Variants in DCPS observed in about 807,000 individuals in gnomAD.
The protein encoded by DCPS is decapping enzyme, scavenger, also known as m7GpppX diphosphatase.
In DCPS, 27 loss-of-function variants were observed where a neutral mutation model predicts 34.7. That is an observed-to-expected ratio of 0.78 (90% CI 0.57 to 1.07). The LOEUF is 1.07. DCPS is among the 50% of genes least tolerant of loss of function. The pLI is 0.00. For synonymous variants in DCPS, 185 were observed against 185.7 expected (o/e 1.00, Z 0.03); for missense variants, 464 against 436.9 (o/e 1.06, Z -0.55).
intron 2 of DCPS, 129 bp downstream of exon 2, chr11:126,306,873 G>T: frequency 1.2e-5 from 13 of 1,113,348 alleles, no homozygotes; most frequent in South Asian, 2.0e-5. Flanking sequence ...TACTTCCCTA[G>T]GGGACATTTG....
rs1473235329 is a variant in DCPS, at chr11:126,347,012, C to CCCGGGAGGCGGAGGTTG, written c.*1403_*1419dup. Among the ~76,000 whole-genome samples the CCCGGGAGGCGGAGGTTG allele has an allele frequency of 6.6e-6, 1 of 152,004 alleles. No individual in the cohort carries two copies. The highest frequency in any genetic ancestry group is 1.5e-5 in the Non-Finnish European group (1 of 67,970). Reference sequence around the variant, plus strand: ...GGCTGAAGCAGGAGAATCCCTTGAACCCGGGAGGCGGAGGTTGCCGTGAGC... The same window carrying CCCGGGAGGCGGAGGTTG: ...GGCTGAAGCAGGAGAATCCCTTGAACCCGGGAGGCGGAGGTTGCCGGGAGGCGGAGGTTGCCGTGAGC... On this transcript the variant is annotated 3_prime_UTR_variant, in exon 6 of 6. Transcript: ENST00000263579. The surrounding 1 kb of genome is among the most constrained non-coding windows in gnomAD (Gnocchi z 4.2).
At position 126,325,849 on chromosome 11, in the gene DCPS, G is replaced by A. The variant is rs570017928; in HGVS notation, c.377-5556G>A. On this transcript the variant is annotated intron_variant, in intron 2 of 5. Coordinates refer to ENST00000263579, the MANE Select transcript of DCPS (RefSeq NM_014026.6). This position sits in a 1 kb window ranked among gnomAD's most constrained non-coding sequence, Gnocchi z 4.3. The stretch of plus-strand genomic sequence containing the variant: ...AATGCCAGCAGGAAGGCCAGGCGCG[G>A]TGGCTCACACCTGTAATCCCAGCAC... Among the ~76,000 whole-genome samples the A allele has an allele frequency of 6.6e-6, 1 of 152,150 alleles. No homozygotes were observed. Among genetic ancestry groups the A allele is most frequent in the African/African-American group, 2.4e-5 (1 of 41,426 alleles).
chr11:126,304,562 T>G (rs967488527), intron 1 of DCPS, among the ~76,000 whole-genome samples: 1 of 151,992 alleles, frequency 6.6e-6, no homozygotes. Context: ...CATGTTACAT[T>G]CCCCAAGCCA....
intron 2 of DCPS, among the ~76,000 whole-genome samples, chr11:126,310,466 A>G (rs1951611023): frequency 1.3e-5 from 2 of 152,338 alleles, no homozygotes. Context: ...CCTTGCCCTC[A>G]CAGTCTTGTT....
In DCPS at chr11:126,331,399, T is replaced by C. The variant is rs748216413; in HGVS notation, c.377-6T>C. ...CCCTGTCACGGGCTGTGCTGTATCA[T>C]TGCAGATGTAAAGACGACCGTGGTT... On this transcript the variant is annotated splice_polypyrimidine_tract_variant and splice_region_variant and intron_variant, in intron 2 of 5. Coordinates refer to ENST00000263579, the MANE Select transcript of DCPS (RefSeq NM_014026.6). The surrounding 1 kb of genome is among the most constrained non-coding windows in gnomAD (Gnocchi z 7.2). The C allele has an allele frequency of 6.8e-6, 11 of 1,613,868 alleles. No individual in the cohort carries two copies. The highest frequency in any genetic ancestry group is 5.3e-5 in the African/African-American group (4 of 74,912).
intron 2 of DCPS, among the ~76,000 whole-genome samples, chr11:126,310,708 C>A (rs1951613054): frequency 6.6e-6 from 1 of 152,254 alleles, no homozygotes; most frequent in Non-Finnish European, 1.5e-5. Flanking sequence ...CCCACTCCAG[C>A]TGTCCCCTCT....
At chr11:126,317,149 C>T (rs1161121954) in intron 2 of DCPS, among the ~76,000 whole-genome samples, 5 of 151,872 alleles carry the variant, frequency 3.3e-5, no homozygotes, top group Admixed American at 6.6e-5. Flanking sequence ...TTAGTAGAGA[C>T]GGGGTTTCAC....
rs1951824611 is a variant in DCPS at position 126,335,319 on chromosome 11, T to A, written c.523-2967T>A. Among the ~76,000 whole-genome samples the A allele has an allele frequency of 6.6e-6, 1 of 152,258 alleles. No individual in the cohort carries two copies. The highest frequency in any genetic ancestry group is 1.5e-5 in the Non-Finnish European group (1 of 68,042). ...TCCAGCCAGGTGAGTTGCAGAAAGC[T>A]GATGGCATCACCCTCTGCCCAGTTT... On this transcript the variant is annotated intron_variant, in intron 3 of 5. Transcript: ENST00000263579. This position sits in a 1 kb window ranked among gnomAD's most constrained non-coding sequence, Gnocchi z 4.8.
Position 126,325,302 on chromosome 11 carries a change from C to T in DCPS, c.377-6103C>T, listed in dbSNP as rs558253554. 9.9e-5 allele frequency among the ~76,000 whole-genome samples: 15 copies of T among 152,180 alleles called. No homozygotes were observed. Among genetic ancestry groups the T allele is most frequent in the Non-Finnish European group, 1.9e-4 (13 of 68,034 alleles). On this transcript the variant is annotated intron_variant, in intron 2 of 5. Coordinates refer to ENST00000263579, the MANE Select transcript of DCPS (RefSeq NM_014026.6). The surrounding 1 kb of genome is among the most constrained non-coding windows in gnomAD (Gnocchi z 4.3). ...CTATGGCAGTGAACAGCATTTACAT[C>T]ATCATCATAGCATCAGTGTTGAATA...
chr11:126,322,920 C>G lies in DCPS; in HGVS notation c.377-8485C>G, dbSNP rs896871630. Among the ~76,000 whole-genome samples, 1 of 152,136 alleles carries G rather than the reference C, an allele frequency of 6.6e-6. No individual in the cohort carries two copies. The highest frequency in any genetic ancestry group is 1.5e-5 in the Non-Finnish European group (1 of 68,030). On this transcript the variant is annotated intron_variant, in intron 2 of 5. Coordinates refer to ENST00000263579, the MANE Select transcript of DCPS (RefSeq NM_014026.6). This position sits in a 1 kb window ranked among gnomAD's most constrained non-coding sequence, Gnocchi z 4.2. Reference sequence around the variant, plus strand: ...ATAGCTCATGGCAGCCTCAAACTCCCGAGTTCAAGTGATTCTCCCACTTCA... The same window carrying G: ...ATAGCTCATGGCAGCCTCAAACTCCGGAGTTCAAGTGATTCTCCCACTTCA...
Position 126,332,973 on chromosome 11 carries a change from C to T in DCPS, c.522+1423C>T, listed in dbSNP as rs1250165021. ...GCCCTGATGTGGTTGGTGTGAGTAG[C>T]TGGGATTACAGGTGCTTGCCACCAT... On this transcript the variant is annotated intron_variant, in intron 3 of 5. Transcript: ENST00000263579. This position sits in a 1 kb window ranked among gnomAD's most constrained non-coding sequence, Gnocchi z 5.4. Among the ~76,000 whole-genome samples, 1 of 152,106 alleles carries T rather than the reference C, an allele frequency of 6.6e-6. No homozygotes were observed. The highest frequency in any genetic ancestry group is 1.5e-5 in the Non-Finnish European group (1 of 68,032).
rs1951902757 is a variant in DCPS, at chr11:126,344,582, AC to A, written c.748-764del. Among the ~76,000 whole-genome samples, 1 of 152,154 alleles carries A rather than the reference AC, an allele frequency of 6.6e-6. No individual in the cohort carries two copies. The highest frequency in any genetic ancestry group is 1.5e-5 in the Non-Finnish European group (1 of 68,020). On this transcript the variant is annotated intron_variant, in intron 5 of 5. Transcript: ENST00000263579. This position sits in a 1 kb window ranked among gnomAD's most constrained non-coding sequence, Gnocchi z 8.1. ...CAGTTCTGGGGTATATACTGAGCCC[AC>A]TGAGGCCCTAGTACTTTTCTCTTCA...
rs1257286353 is a variant in DCPS, at chr11:126,342,159, A to C, written c.637-1148A>C. On this transcript the variant is annotated intron_variant, in intron 4 of 5. Transcript: ENST00000263579. The surrounding 1 kb of genome is among the most constrained non-coding windows in gnomAD (Gnocchi z 4.4). ...GGGGCCTTCCAGGCGCATGGATGGA[A>C]TTACCAGGCAAGGCCAGGGTTTAGG... 1 of 152,270 alleles carries C rather than the reference A, an allele frequency of 6.6e-6. No individual in the cohort carries two copies. The highest frequency in any genetic ancestry group is 1.5e-5 in the Non-Finnish European group (1 of 68,070). The allele number at this position is 152,270 out of a possible 1,614,324, so 9.4% of individuals were successfully genotyped here.
At position 126,320,322 on chromosome 11, in the gene DCPS, A is replaced by G. The variant is rs1449788836; in HGVS notation, c.377-11083A>G. 4.6e-5 allele frequency among the ~76,000 whole-genome samples: 7 copies of G among 152,322 alleles called. No homozygotes were observed. The South Asian group carries it at 1.2e-3, about 27-fold the overall frequency. On this transcript the variant is annotated intron_variant, in intron 2 of 5. Coordinates refer to ENST00000263579, the MANE Select transcript of DCPS (RefSeq NM_014026.6). The surrounding 1 kb of genome is among the most constrained non-coding windows in gnomAD (Gnocchi z 4.7). ...GATGTTCCACTGGAGATGATCTTAA[A>G]GAACAAGCAAGTATGTCACGTGGCA...
chr11:126,336,392 C>T lies in DCPS; in HGVS notation c.523-1894C>T, dbSNP rs1190438893. The stretch of plus-strand genomic sequence containing the variant: ...GGGGGTCTCCCTTATACTGGCTGTG[C>T]TAGGTGCTTTCATGTGCGTGTTCTC... On this transcript the variant is annotated intron_variant, in intron 3 of 5. Transcript: ENST00000263579. The surrounding 1 kb of genome is among the most constrained non-coding windows in gnomAD (Gnocchi z 6.3). The T allele has an allele frequency of 6.6e-6, 1 of 152,266 alleles. No individual in the cohort carries two copies. The highest frequency in any genetic ancestry group is 2.4e-5 in the African/African-American group (1 of 41,454). 9.4% of individuals were successfully genotyped at this position (152,266 alleles called of 1,614,324 possible).
At position 126,338,082 on chromosome 11, in the gene DCPS, G is replaced by T; in HGVS notation, c.523-204G>T. Reference sequence around the variant, plus strand: ...CGCATGGCTGAGTGCCAGCTGGAGTGGGAAGGGGGAAGTCCCTTCTGGACC... The same window carrying T: ...CGCATGGCTGAGTGCCAGCTGGAGTTGGAAGGGGGAAGTCCCTTCTGGACC... On this transcript the variant is annotated intron_variant, in intron 3 of 5. Transcript: ENST00000263579. This position sits in a 1 kb window ranked among gnomAD's most constrained non-coding sequence, Gnocchi z 5.4. 1 of 580,394 alleles carries T rather than the reference G, an allele frequency of 1.7e-6. No individual in the cohort carries two copies. Among genetic ancestry groups the T allele is most frequent in the Admixed American group, 3.0e-5 (1 of 33,154 alleles). 36.0% of individuals were successfully genotyped at this position (580,394 alleles called of 1,614,324 possible).
rs912791843 is a variant in DCPS at position 126,320,508 on chromosome 11, T to C, written c.377-10897T>C. On this transcript the variant is annotated intron_variant, in intron 2 of 5. Coordinates refer to ENST00000263579, the MANE Select transcript of DCPS (RefSeq NM_014026.6). This position sits in a 1 kb window ranked among gnomAD's most constrained non-coding sequence, Gnocchi z 4.7. ...ATATTCTTAAAAAAAAATTAACCCA[T>C]CAAGACTACAAGGGCGGGGTGCAGT... Among the ~76,000 whole-genome samples the C allele has an allele frequency of 6.6e-6, 1 of 152,002 alleles. No homozygotes were observed. The highest frequency in any genetic ancestry group is 2.4e-5 in the African/African-American group (1 of 41,352).
At chr11:126,321,252 CA>C (rs776121972) in intron 2 of DCPS, among the ~76,000 whole-genome samples, 5,299 of 97,558 alleles carry the variant, frequency 0.054, 262 homozygotes, top group East Asian at 0.26. Flanking sequence ...GACCTTGTCT[CA>C]AAAAAAAAAA....
intron 2 of DCPS, among the ~76,000 whole-genome samples, chr11:126,311,092 A>G (rs764586053): frequency 2.0e-5 from 3 of 152,214 alleles, no homozygotes; most frequent in Non-Finnish European, 4.4e-5. Context: ...AGCTGACTGC[A>G]AGAGGCTGCT....
Sources: gnomAD v4.1 joint callset for allele counts (sites outside exome capture counted in the v4.1 genomes callset) on GRCh38, gnomAD v4.1.1 for gene constraint, Gnocchi (gnomAD v3.1) non-coding constraint, MANE v1.5 for transcripts, NCBI Gene and HGNC (gene_info 2026-07-23, HGNC 2026-07-21) for gene names.